KIF3C: variants seen among roughly 807,000 people sequenced by gnomAD.
KIF3C encodes the protein kinesin family member 3C.
Under a neutral mutation model 67.7 loss-of-function variants are expected in KIF3C, and 12 were observed. That is an observed-to-expected ratio of 0.18 (90% CI 0.11 to 0.29). The LOEUF is 0.29. Ranked by LOEUF, KIF3C falls within the 10% of genes least tolerant of loss-of-function variation. KIF3C has a pLI of 1.00. For synonymous variants in KIF3C, 393 were observed against 426.2 expected (o/e 0.92, Z 0.96); for missense variants, 789 against 1,059.6 (o/e 0.74, Z 3.55).
intron 1 of KIF3C, among the ~76,000 whole-genome samples, chr2:25,972,957 G>A (rs879400417): frequency 6.6e-6 from 1 of 151,410 alleles, no homozygotes; most frequent in Admixed American, 6.6e-5. Context: ...TCTCTAACTG[G>A]TTATGACAGA....
At chr2:25,950,824 C>T (rs1663588016) in intron 5 of KIF3C, among the ~76,000 whole-genome samples, 2 of 149,730 alleles carry the variant, frequency 1.3e-5, no homozygotes, top group Non-Finnish European at 1.5e-5. Context: ...CACTTACAAA[C>T]TTATGTGGTA....
At chr2:25,935,781 A>AT (rs1039430448) in intron 5 of KIF3C, among the ~76,000 whole-genome samples, 22 of 152,104 alleles carry the variant, frequency 1.4e-4, no homozygotes, top group African/African-American at 5.3e-4. Flanking sequence ...AGTCAATAAA[A>AT]TTTTTATGTG....
intron 5 of KIF3C, among the ~76,000 whole-genome samples, chr2:25,935,539 T>C (rs906885968): frequency 8.4e-4 from 128 of 152,240 alleles, no homozygotes; most frequent in African/African-American, 2.8e-3. Flanking sequence ...GCTAATTTTG[T>C]TATTTTTTGA....
At position 25,927,040 on chromosome 2, in the gene KIF3C, G is replaced by C. The variant is rs957236575; in HGVS notation, c.*1938C>G. On this transcript the variant is annotated 3_prime_UTR_variant, in exon 8 of 8. Transcript: ENST00000264712. ...TGGAGGTAAACACGCACACAAACAC[G>C]CACACACATACACACATACACAAAA... 6.6e-6 allele frequency: 1 copy of C among 152,566 alleles called. No individual in the cohort carries two copies. Among genetic ancestry groups the C allele is most frequent in the Non-Finnish European group, 1.5e-5 (1 of 68,090 alleles). 9.5% of individuals were successfully genotyped at this position (152,566 alleles called of 1,614,324 possible).
Position 25,955,460 on chromosome 2 carries a change from G to A in KIF3C, c.1770+81C>T, listed in dbSNP as rs548319944. ...TCAGCAGTTCCAGCCAAATGGGGAG[G>A]AGTCCCTGAAGCACACATCCCTTGG... On this transcript the variant is annotated intron_variant, in intron 3 of 7. Coordinates refer to ENST00000264712, the MANE Select transcript of KIF3C (RefSeq NM_002254.8). The surrounding 1 kb of genome is among the most constrained non-coding windows in gnomAD (Gnocchi z 5.0). 70 of 1,530,298 alleles carry A rather than the reference G, an allele frequency of 4.6e-5. No individual in the cohort carries two copies. The African/African-American group carries it at 8.9e-4, about 19-fold the overall frequency. The allele number at this position is 1,530,298 out of a possible 1,614,324, so 94.8% of individuals were successfully genotyped here.
chr2:25,980,549 T>A lies in KIF3C; in HGVS notation c.1369A>T (p.Met457Leu). 1 of 1,614,126 alleles carries A rather than the reference T, an allele frequency of 6.2e-7. No homozygotes were observed. Among genetic ancestry groups the A allele is most frequent in the Non-Finnish European group, 8.5e-7 (1 of 1,180,010 alleles). The change falls in exon 1 of 8, where the codon ATG becomes TTG. Residue 457 changes from methionine (M) to leucine (L), a missense_variant. This residue lies in a region of KIF3C where 648 missense variants were observed against 807.8 expected (regional missense o/e 0.80). Transcript: ENST00000264712. The surrounding 1 kb of genome is among the most constrained non-coding windows in gnomAD (Gnocchi z 7.6). ...PILESALEKN[M>L]ENYLQEQKER... ...TTCTGTTCCTGCAGGTAATTCTCCA[T>A]GTTCTTCTCCAAGGCTGACTCCAGG...
intron 1 of KIF3C, among the ~76,000 whole-genome samples, chr2:25,976,352 G>A (rs1196327235): frequency 6.6e-6 from 1 of 152,126 alleles, no homozygotes; most frequent in Admixed American, 6.6e-5. Context: ...ATCCGATGCT[G>A]TTGTTTCTGT....
intron 4 of KIF3C, among the ~76,000 whole-genome samples, chr2:25,952,908 A>G (rs1289462373): frequency 6.6e-6 from 1 of 152,082 alleles, no homozygotes; most frequent in Non-Finnish European, 1.5e-5. Flanking sequence ...TTGAAGGATA[A>G]ATGTTTGAGG....
Position 25,980,616 on chromosome 2 carries a change from C to A in KIF3C, c.1302G>T (p.Glu434Asp). 6.2e-7 allele frequency: 1 copy of A among 1,614,056 alleles called. No individual in the cohort carries two copies. The highest frequency in any genetic ancestry group is 8.5e-7 in the Non-Finnish European group (1 of 1,180,020). Residue 434 changes from glutamate (E) to aspartate (D), a missense_variant, in exon 1 of 8, where the codon GAG (glutamate) becomes GAT (aspartate). Glu to Asp is a conservative substitution (Grantham distance 45). Around this residue, in one of 2 missense-constraint regions of KIF3C, gnomAD observed 648 missense variants for 807.8 expected, o/e 0.80. Transcript: ENST00000264712. The surrounding 1 kb of genome is among the most constrained non-coding windows in gnomAD (Gnocchi z 7.6). The stretch of plus-strand genomic sequence containing the variant: ...GGTGGTTGTTGTTGTTGTCATCCTC[C>A]TCTTCTGCCACCCAGGCCTCAATCA... ...GPVIEAWVAE[E>D]EDDNNNNHRP...
At chr2:25,967,674 T>A (rs2149240560) in intron 1 of KIF3C, among the ~76,000 whole-genome samples, 1 of 152,250 alleles carries the variant, frequency 6.6e-6, no homozygotes, top group South Asian at 2.1e-4. Context: ...TAGCCAGGCG[T>A]AGTATTGTGT....
intron 1 of KIF3C, among the ~76,000 whole-genome samples, chr2:25,962,486 C>T (rs1663971777): frequency 6.6e-6 from 1 of 151,592 alleles, no homozygotes; most frequent in African/African-American, 2.4e-5. Flanking sequence ...TCAAATGAGT[C>T]TCCTGTCTCA....
chr2:25,956,097 C>A (rs1044096879), intron 2 of KIF3C, among the ~76,000 whole-genome samples: 1 of 152,200 alleles, frequency 6.6e-6, no homozygotes, highest in Non-Finnish European at 1.5e-5. Context: ...GGAATTAGTA[C>A]CAGGTGGCTT....
intron 1 of KIF3C, among the ~76,000 whole-genome samples, chr2:25,957,190 A>G (rs1406093952): frequency 1.3e-5 from 2 of 152,308 alleles, no homozygotes; most frequent in East Asian, 3.9e-4. Flanking sequence ...TCCCCCCCTA[A>G]GAGGGACTAT....
chr2:25,973,999 TAATA>T (rs1664346118), intron 1 of KIF3C, among the ~76,000 whole-genome samples: 1 of 152,236 alleles, frequency 6.6e-6, no homozygotes, highest in South Asian at 2.1e-4. Context: ...GACATAGCAA[TAATA>T]ATTATTTACT....
At chr2:25,962,988 AATATATATAATATATAATATATAAT>A (rs1664026092) in intron 1 of KIF3C, among the ~76,000 whole-genome samples, 1 of 50,144 alleles carries the variant, frequency 2.0e-5, no homozygotes, top group African/African-American at 1.4e-4. Context: ...TATAATATAT[AATATATATAATATATAATATATAAT>A]ATATATAATA....
rs542005398 is a variant in KIF3C, at chr2:25,928,410, A to G, written c.*568T>C. On this transcript the variant is annotated 3_prime_UTR_variant, in exon 8 of 8. Coordinates refer to ENST00000264712, the MANE Select transcript of KIF3C (RefSeq NM_002254.8). ...ATTAATGTCCTTGAAAAGGAGCCCA[A>G]GAGGCTGAATGAGGTTGTCTGAGGC... is the stretch of plus-strand genomic sequence containing the variant. 26 of 152,594 alleles carry G rather than the reference A, an allele frequency of 1.7e-4. No homozygotes were observed. Among genetic ancestry groups the G allele is most frequent in the Non-Finnish European group, 2.8e-4 (19 of 68,302 alleles). The allele number at this position is 152,594 out of a possible 1,614,324, so 9.5% of individuals were successfully genotyped here.
chr2:25,938,473 G>A (rs557492551), intron 5 of KIF3C: 1 of 323,628 alleles, frequency 3.1e-6, no homozygotes, highest in East Asian at 9.5e-5. Context: ...AGGACACTGG[G>A]CCAGAACAGA....
intron 1 of KIF3C, among the ~76,000 whole-genome samples, chr2:25,968,717 G>A (rs760656638): frequency 1.3e-5 from 2 of 152,100 alleles, no homozygotes; most frequent in Non-Finnish European, 2.9e-5. Flanking sequence ...GTCAAGGCTG[G>A]GTCATTCCTC....
At chr2:25,940,112 T>C (rs889271853) in intron 5 of KIF3C, among the ~76,000 whole-genome samples, 2 of 152,146 alleles carry the variant, frequency 1.3e-5, no homozygotes. Flanking sequence ...AATTAGAATA[T>C]TGGTTTATCA....
Sources: allele counts gnomAD v4.1 joint callset (sites outside exome capture counted in the v4.1 genomes callset), GRCh38; gene constraint gnomAD v4.1.1; regional missense constraint gnomAD v4.1.1; non-coding constraint Gnocchi (gnomAD v3.1); transcripts MANE v1.5; gene names NCBI Gene and HGNC (gene_info 2026-07-23, HGNC 2026-07-21).